The following TMEM132D variants were observed in gnomAD, a reference collection of about 807,000 sequenced individuals.
TMEM132D encodes mature OL transmembrane protein.
In TMEM132D, 21 loss-of-function variants were observed where a neutral mutation model predicts 62.3. The ratio of observed to expected loss-of-function variants is 0.34; its 90% confidence interval spans 0.24 to 0.49. The LOEUF (loss-of-function observed/expected upper bound fraction) is 0.49. Among genes scored for constraint, TMEM132D ranks in the 20% least tolerant of loss-of-function variants. The pLI is 0.99. For synonymous variants in TMEM132D, 621 were observed against 575.6 expected, an observed-to-expected ratio of 1.08 and a Z score of -1.13; for missense variants, 1,346 against 1,402.8, an observed-to-expected ratio of 0.96 and a Z score of 0.65.
At chr12:129,649,761 T>C (rs1013018793) in intron 2 of TMEM132D, among the ~76,000 whole-genome samples, 2 of 151,994 alleles carry the variant, frequency 1.3e-5, no homozygotes, top group African/African-American at 2.4e-5. Context: ...TATACACATA[T>C]GTATGTGTAT....
At chr12:129,718,826 T>C (rs1030781526) in intron 1 of TMEM132D, among the ~76,000 whole-genome samples, 1 of 152,238 alleles carries the variant, frequency 6.6e-6, no homozygotes, top group Non-Finnish European at 1.5e-5. Context: ...CAACAGTAGC[T>C]GCCTCACACA....
chr12:129,648,657 G>C (rs1225650329), intron 2 of TMEM132D, among the ~76,000 whole-genome samples: 1 of 152,146 alleles, frequency 6.6e-6, no homozygotes, highest in South Asian at 2.1e-4. Context: ...TCTTAATAAT[G>C]TATCTATGTT....
intron 3 of TMEM132D, among the ~76,000 whole-genome samples, chr12:129,484,733 T>C (rs1273231842): frequency 6.6e-6 from 1 of 152,218 alleles, no homozygotes; most frequent in Non-Finnish European, 1.5e-5. Context: ...ATGCTCTCCA[T>C]GGAAACTTAA....
intron 7 of TMEM132D, among the ~76,000 whole-genome samples, chr12:129,079,323 T>C (rs1874380987): frequency 6.6e-6 from 1 of 152,202 alleles, no homozygotes; most frequent in South Asian, 2.1e-4. Context: ...AGGAATATCG[T>C]TGGGCATATT....
At chr12:129,544,191 A>AT (rs1362600351) in intron 2 of TMEM132D, among the ~76,000 whole-genome samples, 2 of 152,104 alleles carry the variant, frequency 1.3e-5, no homozygotes, top group South Asian at 2.1e-4. Flanking sequence ...GGTATTGAAC[A>AT]TTTTTTCACA....
intron 3 of TMEM132D, among the ~76,000 whole-genome samples, chr12:129,370,241 A>T (rs1870551448): frequency 6.6e-6 from 1 of 152,208 alleles, no homozygotes. Flanking sequence ...CTGGTGTGCA[A>T]TGTCTTCAGA....
At chr12:129,600,066 C>A (rs1878446154) in intron 2 of TMEM132D, among the ~76,000 whole-genome samples, 1 of 152,222 alleles carries the variant, frequency 6.6e-6, no homozygotes, top group Non-Finnish European at 1.5e-5. Flanking sequence ...CATTTGATAG[C>A]ATTTTACCCA....
intron 2 of TMEM132D, among the ~76,000 whole-genome samples, chr12:129,659,044 G>A (rs940702565): frequency 6.6e-6 from 1 of 151,750 alleles, no homozygotes; most frequent in Non-Finnish European, 1.5e-5. Flanking sequence ...GTGAATACAG[G>A]TACATATAAC....
At chr12:129,878,111 A>G (rs1874486071) in intron 1 of TMEM132D, among the ~76,000 whole-genome samples, 1 of 152,248 alleles carries the variant, frequency 6.6e-6, no homozygotes, top group Non-Finnish European at 1.5e-5. Flanking sequence ...TTTAAACAAT[A>G]AATGGCTCAC....
rs375868329 is a variant in TMEM132D at position 129,636,737 on chromosome 12, T to TGTGTGTGAGA, written c.968+63072_968+63073insTCTCACACAC. ...GTGTGTGTGTGTGTGTGTGTGTGTG[T>TGTGTGTGAGA]GAGAGAGAGAGAGAGAGAGACAGAG... is the stretch of plus-strand genomic sequence containing the variant. On this transcript the variant is annotated intron_variant, in intron 2 of 8. Coordinates refer to ENST00000422113, the MANE Select transcript of TMEM132D (RefSeq NM_133448.3). 5.2e-4 allele frequency among the ~76,000 whole-genome samples: 59 copies of TGTGTGTGAGA among 113,622 alleles called. 1 individual carries two copies. Among genetic ancestry groups the TGTGTGTGAGA allele is most frequent in the East Asian group, 1.2e-3 (4 of 3,396 alleles). 74.5% of individuals were successfully genotyped at this position (113,622 alleles called of 152,430 possible). A position where few individuals can be genotyped will look rare whatever the true frequency, so the allele number is the denominator to read the frequency against.
chr12:129,655,106 C>T (rs984122757), intron 2 of TMEM132D, among the ~76,000 whole-genome samples: 1 of 151,936 alleles, frequency 6.6e-6, no homozygotes, highest in Non-Finnish European at 1.5e-5. Flanking sequence ...TGCCACCATG[C>T]CTGTCTACTT....
chr12:129,132,397 A>G (rs146924190), intron 5 of TMEM132D, among the ~76,000 whole-genome samples: 116 of 152,336 alleles, frequency 7.6e-4, no homozygotes, highest in African/African-American at 2.7e-3. Context: ...AAGACAAATA[A>G]GGGTTTTGTT....
At chr12:129,792,814 C>T (rs993736249) in intron 1 of TMEM132D, among the ~76,000 whole-genome samples, 4 of 152,126 alleles carry the variant, frequency 2.6e-5, no homozygotes, top group South Asian at 2.1e-4. Context: ...GGAGAGCTTA[C>T]ATTTGGCATT....
intron 5 of TMEM132D, among the ~76,000 whole-genome samples, chr12:129,120,222 C>T (rs1391400580): frequency 1.3e-5 from 2 of 152,108 alleles, no homozygotes; most frequent in Non-Finnish European, 2.9e-5. Flanking sequence ...AGCCACTACA[C>T]CTACATGGTG....
At chr12:129,162,196 G>A (rs922716733) in intron 5 of TMEM132D, among the ~76,000 whole-genome samples, 1 of 152,078 alleles carries the variant, frequency 6.6e-6, no homozygotes, top group Non-Finnish European at 1.5e-5. Flanking sequence ...TGATAGGACT[G>A]ATGTCCTTAT....
intron 1 of TMEM132D, among the ~76,000 whole-genome samples, chr12:129,805,780 C>T (rs1243043023): frequency 2.9e-4 from 43 of 146,710 alleles, no homozygotes; most frequent in African/African-American, 8.9e-4. Flanking sequence ...AGAAAATTTT[C>T]GCAACCTACT....
At chr12:129,596,664 A>G (rs1878345610) in intron 2 of TMEM132D, among the ~76,000 whole-genome samples, 1 of 152,170 alleles carries the variant, frequency 6.6e-6, no homozygotes, top group Non-Finnish European at 1.5e-5. Context: ...GTTATATTGT[A>G]TAGTTTAGAG....
chr12:129,881,276 A>G (rs1874588424), intron 1 of TMEM132D, among the ~76,000 whole-genome samples: 1 of 151,994 alleles, frequency 6.6e-6, no homozygotes, highest in African/African-American at 2.4e-5. Context: ...TTGAAGAGGT[A>G]CTCCTCTCAG....
intron 2 of TMEM132D, among the ~76,000 whole-genome samples, chr12:129,605,992 C>CA (rs1039644812): frequency 6.6e-6 from 1 of 152,098 alleles, no homozygotes; most frequent in Non-Finnish European, 1.5e-5. Flanking sequence ...AGAGAATTAA[C>CA]AATCAACATA....
Sources: gnomAD v4.1 joint callset for allele counts (sites outside exome capture counted in the v4.1 genomes callset) on GRCh38, gnomAD v4.1.1 for gene constraint, MANE v1.5 for transcripts, NCBI Gene and HGNC (gene_info 2026-07-23, HGNC 2026-07-21) for gene names.